Variants in NEDD9 observed in about 807,000 individuals in gnomAD.
NEDD9 encodes the protein enhancer of filamentation 1.
A neutral mutation model predicts 76.6 loss-of-function variants in NEDD9; 26 were observed. The ratio of observed to expected loss-of-function variants is 0.34; its 90% CI spans 0.25 to 0.47. NEDD9 has a LOEUF of 0.47. NEDD9 is among the 20% of genes least tolerant of loss of function. The pLI is 1.00. For synonymous variants in NEDD9, 392 were observed against 414.2 expected, an observed-to-expected ratio of 0.95 and a Z score of 0.65; for missense variants, 937 against 1,058.5, an observed-to-expected ratio of 0.89 and a Z score of 1.59.
At chr6:11,221,889 A>G (rs1297155285) in intron 1 of NEDD9, among the ~76,000 whole-genome samples, 2 of 152,202 alleles carry the variant, frequency 1.3e-5, no homozygotes, top group East Asian at 1.9e-4. Flanking sequence ...TAAAACAACC[A>G]TCTGGATTTC....
intron 1 of NEDD9, among the ~76,000 whole-genome samples, chr6:11,224,410 T>C (rs1011014695): frequency 1.3e-5 from 2 of 152,152 alleles, no homozygotes; most frequent in African/African-American, 4.8e-5. Context: ...GGTGTGCTTG[T>C]CATGCTGGGC....
At chr6:11,378,181 T>G (rs542631452) in intron 1 of NEDD9, among the ~76,000 whole-genome samples, 1 of 152,240 alleles carries the variant, frequency 6.6e-6, no homozygotes, top group South Asian at 2.1e-4. Flanking sequence ...AAGTGGAGGT[T>G]GCGGCAAGCC....
intron 2 of NEDD9, among the ~76,000 whole-genome samples, chr6:11,210,161 C>T (rs1396002881): frequency 1.3e-5 from 2 of 152,046 alleles, no homozygotes; most frequent in African/African-American, 4.8e-5. Context: ...TCCTAGGCCA[C>T]CACCCACAAA....
At chr6:11,276,562 C>T (rs912716584) in intron 3 of NEDD9, among the ~76,000 whole-genome samples, 5 of 152,194 alleles carry the variant, frequency 3.3e-5, no homozygotes, top group South Asian at 2.1e-4. Context: ...CTGCTACTCA[C>T]GCTTTTGGCC....
intron 6 of NEDD9, among the ~76,000 whole-genome samples, chr6:11,186,061 A>G (rs1757974275): frequency 6.6e-6 from 1 of 152,150 alleles, no homozygotes; most frequent in African/African-American, 2.4e-5. Context: ...GTGGCAAGGG[A>G]AAACCAAATG....
chr6:11,192,648 A>G (rs557959973), intron 3 of NEDD9: 17 of 460,010 alleles, frequency 3.7e-5, no homozygotes, highest in African/African-American at 3.6e-4. Flanking sequence ...TATAAAAATG[A>G]TTTTGGCCAG....
At chr6:11,344,939 C>T (rs1377574817) in intron 1 of NEDD9, among the ~76,000 whole-genome samples, 1 of 152,142 alleles carries the variant, frequency 6.6e-6, no homozygotes, top group Non-Finnish European at 1.5e-5. Context: ...CATTTCAAGC[C>T]CTTCTGCTGG....
chr6:11,223,911 G>GCA (rs1759226350), intron 1 of NEDD9, among the ~76,000 whole-genome samples: 1 of 152,232 alleles, frequency 6.6e-6, no homozygotes, highest in Non-Finnish European at 1.5e-5. Context: ...TAAGGGAGAT[G>GCA]GGATAATGCC....
chr6:11,185,366 C>G lies in NEDD9; in HGVS notation c.2301G>C (p.Val767=), dbSNP rs750534288. 3 of 1,614,216 alleles carry G rather than the reference C, an allele frequency of 1.9e-6. No individual in the cohort carries two copies. Among genetic ancestry groups the G allele is most frequent in the Non-Finnish European group, 2.5e-6 (3 of 1,180,038 alleles). The change falls in exon 7 of 7, where the codon GTG becomes GTC. Residue 767 remains valine, a synonymous_variant. Transcript: ENST00000379446. ...VFIGDTLTRQ[V]TAQDIRNKVM... is the part of the protein sequence containing the mutation. Reference sequence around the variant, plus strand: ...CTTTGTTGCGAATGTCCTGGGCAGTCACCTGCCGTGTCAGCGTGTCTCCAA... The same window carrying G: ...CTTTGTTGCGAATGTCCTGGGCAGTGACCTGCCGTGTCAGCGTGTCTCCAA...
At chr6:11,371,707 C>T (rs1762878909) in intron 1 of NEDD9, among the ~76,000 whole-genome samples, 1 of 152,164 alleles carries the variant, frequency 6.6e-6, no homozygotes, top group Non-Finnish European at 1.5e-5. Context: ...TAGAAGAATT[C>T]CCCTCTTTGA....
chr6:11,378,379 C>A (rs4713475), intron 1 of NEDD9, among the ~76,000 whole-genome samples: 30,756 of 152,138 alleles, frequency 0.2, 3,235 homozygotes, highest in African/African-American at 0.26. Context: ...GAAGCAGATG[C>A]CAGCACCATG....
chr6:11,223,948 A>T (rs1759228227), intron 1 of NEDD9, among the ~76,000 whole-genome samples: 1 of 152,230 alleles, frequency 6.6e-6, no homozygotes, highest in African/African-American at 2.4e-5. Flanking sequence ...TCTCAGGAGC[A>T]GCCCTTGATG....
intron 2 of NEDD9, chr6:11,200,489 A>G: frequency 9.3e-7 from 1 of 1,074,848 alleles, no homozygotes; most frequent in South Asian, 2.5e-5. Flanking sequence ...CAACAGGAAC[A>G]AGACAAGCAA....
chr6:11,342,311 T>A (rs1394082797), intron 1 of NEDD9, among the ~76,000 whole-genome samples: 2 of 151,906 alleles, frequency 1.3e-5, no homozygotes, highest in Non-Finnish European at 2.9e-5. Context: ...CCCAAAATTT[T>A]AAAAAATGAC....
chr6:11,232,640 G>C lies in NEDD9; in HGVS notation c.-125C>G. Reference sequence around the variant, plus strand: ...GAGAAGGTCCCGGGCAGAGCCGCTTGTCAGTCGCAGCGCCTCCCTCAAGTC... The same window carrying C: ...GAGAAGGTCCCGGGCAGAGCCGCTTCTCAGTCGCAGCGCCTCCCTCAAGTC... On this transcript the variant is annotated 5_prime_UTR_variant, in exon 1 of 7. Coordinates refer to ENST00000379446, the MANE Select transcript of NEDD9 (RefSeq NM_006403.4). 6.4e-7 allele frequency: 1 copy of C among 1,571,814 alleles called. No individual in the cohort carries two copies. The highest frequency in any genetic ancestry group is 1.3e-5 in the African/African-American group (1 of 74,130).
intron 3 of NEDD9, among the ~76,000 whole-genome samples, chr6:11,242,287 A>G (rs1759724197): frequency 6.6e-6 from 1 of 152,220 alleles, no homozygotes; most frequent in South Asian, 2.1e-4. Context: ...ACAGGCACTA[A>G]GTATAAGTTC....
At chr6:11,215,894 G>T (rs983791694) in intron 1 of NEDD9, among the ~76,000 whole-genome samples, 1 of 152,186 alleles carries the variant, frequency 6.6e-6, no homozygotes, top group Non-Finnish European at 1.5e-5. Flanking sequence ...ATTCGGAATT[G>T]GGCCACTTCC....
intron 1 of NEDD9, among the ~76,000 whole-genome samples, chr6:11,350,838 G>A (rs1327589778): frequency 6.6e-6 from 1 of 152,104 alleles, no homozygotes; most frequent in Non-Finnish European, 1.5e-5. Context: ...AACACTCGGG[G>A]GCTCATGTCA....
At chr6:11,250,568 C>A (rs1478792940) in intron 3 of NEDD9, among the ~76,000 whole-genome samples, 1 of 152,166 alleles carries the variant, frequency 6.6e-6, no homozygotes, top group Non-Finnish European at 1.5e-5. Context: ...TCTGGTGTCC[C>A]TTTGCCGGCA....
Sources: gnomAD v4.1 joint callset for allele counts (sites outside exome capture counted in the v4.1 genomes callset) on GRCh38, gnomAD v4.1.1 for gene constraint, MANE v1.5 for transcripts, NCBI Gene and HGNC (gene_info 2026-07-23, HGNC 2026-07-21) for gene names.